The following KDM5B variants were observed in gnomAD, a reference collection of about 807,000 sequenced individuals.
KDM5B encodes the protein lysine demethylase 5B.
In KDM5B, 144 loss-of-function variants were observed where a neutral mutation model predicts 193.4. The ratio of observed to expected loss-of-function variants is 0.74; its 90% CI spans 0.65 to 0.86. The LOEUF (loss-of-function observed/expected upper bound fraction) is 0.86. Ranked by LOEUF, KDM5B falls within the 40% of genes least tolerant of loss-of-function variation. The pLI is 0.00. For synonymous variants in KDM5B, 668 were observed against 682.6 expected (o/e 0.98, Z 0.33); for missense variants, 1,833 against 1,886.9 (o/e 0.97, Z 0.53).
intron 4 of KDM5B, 24 bp downstream of exon 4, chr1:202,773,094 G>C (rs374981703): frequency 1.9e-6 from 3 of 1,543,164 alleles, no homozygotes; most frequent in Non-Finnish European, 2.7e-6. Context: ...GATAAAACAG[G>C]TTAAGGCTAG....
chr1:202,738,836 C>T (rs371361863), intron 20 of KDM5B, among the ~76,000 whole-genome samples: 1 of 152,150 alleles, frequency 6.6e-6, no homozygotes. Context: ...AGAATGAATT[C>T]TTTTTGTACC....
chr1:202,744,912 T>C (rs1655491499), intron 16 of KDM5B, among the ~76,000 whole-genome samples: 1 of 152,124 alleles, frequency 6.6e-6, no homozygotes, highest in Admixed American at 6.5e-5. Flanking sequence ...TACCCATCAA[T>C]GATAGACTGG....
Position 202,808,282 on chromosome 1 carries a change from G to T in KDM5B, c.24C>A (p.His8Gln). ...GGGGCAGCGCCGGGCGCGGGCCTGG[G>T]TGCAGTGTGGTGGCCGCCTCCATCA... is the stretch of plus-strand genomic sequence containing the variant. The part of the protein sequence containing the change: MEAATTL[H>Q]PGPRPALPLG... Residue 8 changes from histidine (H) to glutamine (Q), a missense_variant, in exon 1 of 27, where the codon CAC becomes CAA. Coordinates refer to ENST00000367265, the MANE Select transcript of KDM5B (RefSeq NM_006618.5). The T allele has an allele frequency of 6.2e-7, 1 of 1,604,214 alleles. No homozygotes were observed. The highest frequency in any genetic ancestry group is 8.5e-7 in the Non-Finnish European group (1 of 1,176,262).
intron 4 of KDM5B, among the ~76,000 whole-genome samples, chr1:202,769,030 CTTTTTTTTTCT>C (rs985295725): frequency 7.1e-6 from 1 of 141,786 alleles, no homozygotes; most frequent in African/African-American, 2.6e-5. Context: ...CTATTATATT[CTTTTTTTTTCT>C]TTTTTTTTTT....
At chr1:202,791,019 A>G (rs924223690) in intron 1 of KDM5B, among the ~76,000 whole-genome samples, 2 of 152,204 alleles carry the variant, frequency 1.3e-5, no homozygotes, top group African/African-American at 4.8e-5. Flanking sequence ...CTTTAAAGAG[A>G]TAAGGATGTA....
intron 1 of KDM5B, among the ~76,000 whole-genome samples, chr1:202,786,225 G>C (rs557548215): frequency 1.3e-5 from 2 of 149,764 alleles, no homozygotes; most frequent in South Asian, 4.2e-4. Context: ...GCACAGGTTG[G>C]TCTCAAACTC....
chr1:202,755,460 TAAG>T lies in KDM5B; in HGVS notation c.1357-11_1357-9del, dbSNP rs771108626. 12 of 1,605,232 alleles carry T rather than the reference TAAG, an allele frequency of 7.5e-6. No individual in the cohort carries two copies. The African/African-American group carries it at 1.2e-4, about 16-fold the overall frequency. On this transcript the variant is annotated splice_polypyrimidine_tract_variant and intron_variant, in intron 10 of 26. Coordinates refer to ENST00000367265, the MANE Select transcript of KDM5B (RefSeq NM_006618.5). The stretch of plus-strand genomic sequence containing the variant: ...GCCACTATCAAGATACTCCTAAAAA[TAAG>T]AAGACAAAAGAGGATAAAGGTTTAG...
chr1:202,789,656 G>C (rs1298235892), intron 1 of KDM5B, among the ~76,000 whole-genome samples: 2 of 151,226 alleles, frequency 1.3e-5, no homozygotes, highest in African/African-American at 4.9e-5. Context: ...ACCAGCCAGA[G>C]CACCATGGCG....
chr1:202,805,754 A>AAAAAG (rs1658265032), intron 1 of KDM5B, among the ~76,000 whole-genome samples: 1 of 152,242 alleles, frequency 6.6e-6, no homozygotes, highest in Non-Finnish European at 1.5e-5. Context: ...GACTGTTTAC[A>AAAAAG]TCTCTTAAGA....
At chr1:202,775,879 A>AAAATATAT (rs1553358956) in intron 2 of KDM5B, among the ~76,000 whole-genome samples, 1 of 93,202 alleles carries the variant, frequency 1.1e-5, no homozygotes, top group Admixed American at 1.6e-4. Context: ...AAAAAAAAAA[A>AAAATATAT]ATATATATAT....
In KDM5B at chr1:202,808,410, T is replaced by A. The variant is rs1033419391; in HGVS notation, c.-105A>T. On this transcript the variant is annotated 5_prime_UTR_variant, in exon 1 of 27. Coordinates refer to ENST00000367265, the MANE Select transcript of KDM5B (RefSeq NM_006618.5). ...CAGACGCGGCTCGAGCAACAGCAAG[T>A]CCGAGTTGTACGGGCAACGGCAGCA... is the stretch of plus-strand genomic sequence containing the variant. 2.8e-6 allele frequency: 3 copies of A among 1,078,708 alleles called. No homozygotes were observed. Among genetic ancestry groups the A allele is most frequent in the Non-Finnish European group, 2.6e-6 (2 of 771,786 alleles). 66.8% of individuals were successfully genotyped at this position (1,078,708 alleles called of 1,614,324 possible). A position where few individuals can be genotyped will look rare whatever the true frequency, so the allele number is the denominator to read the frequency against.
chr1:202,808,413 G>A lies in KDM5B; in HGVS notation c.-108C>T, dbSNP rs1292049052. On this transcript the variant is annotated 5_prime_UTR_variant, in exon 1 of 27. Transcript: ENST00000367265. ...ACGCGGCTCGAGCAACAGCAAGTCC[G>A]AGTTGTACGGGCAACGGCAGCACCT... The A allele has an allele frequency of 1.1e-5, 11 of 1,010,344 alleles. No individual in the cohort carries two copies. The highest frequency in any genetic ancestry group is 9.7e-5 in the African/African-American group (6 of 61,564). The allele number at this position is 1,010,344 out of a possible 1,614,324, so 62.6% of individuals were successfully genotyped here. A position where few individuals can be genotyped will look rare whatever the true frequency, so the allele number is the denominator to read the frequency against.
chr1:202,781,034 G>A (rs1463788023), intron 1 of KDM5B, among the ~76,000 whole-genome samples: 4 of 152,090 alleles, frequency 2.6e-5, no homozygotes, highest in African/African-American at 7.2e-5. Flanking sequence ...TAAAAATGAC[G>A]GCCAGGCACA....
intron 23 of KDM5B, 93 bp downstream of exon 23, chr1:202,733,308 C>T: frequency 1.4e-6 from 2 of 1,435,398 alleles, no homozygotes; most frequent in Non-Finnish European, 1.9e-6. Context: ...AGTGATCACA[C>T]CAAGGGAATA....
intron 1 of KDM5B, among the ~76,000 whole-genome samples, chr1:202,799,420 G>A (rs1223825715): frequency 3.9e-5 from 6 of 152,194 alleles, no homozygotes; most frequent in South Asian, 2.1e-4. Context: ...TTGGGAGGCC[G>A]AGGTGGGCGG....
At chr1:202,800,279 T>C (rs1247505124) in intron 1 of KDM5B, among the ~76,000 whole-genome samples, 1 of 152,078 alleles carries the variant, frequency 6.6e-6, no homozygotes, top group Non-Finnish European at 1.5e-5. Context: ...CTTGACCTCA[T>C]GATCCACCTG....
At chr1:202,785,822 T>C (rs897872810) in intron 1 of KDM5B, among the ~76,000 whole-genome samples, 3 of 151,706 alleles carry the variant, frequency 2.0e-5, no homozygotes, top group African/African-American at 7.3e-5. Flanking sequence ...AGCACGAGAA[T>C]TGCTTGAACC....
chr1:202,789,294 G>A (rs1437847625), intron 1 of KDM5B, among the ~76,000 whole-genome samples: 1 of 152,118 alleles, frequency 6.6e-6, no homozygotes, highest in Non-Finnish European at 1.5e-5. Flanking sequence ...GCCAAGGCGG[G>A]TGGATCACTT....
rs4348778 is a variant in KDM5B, at chr1:202,727,119, C to T, written c.*1917G>A. 0.61 allele frequency: 92,225 copies of T among 152,112 alleles called. 31,201 individuals are homozygous for T. The highest frequency in any genetic ancestry group is 0.77 in the Middle Eastern group (226 of 294). 9.4% of individuals were successfully genotyped at this position (152,112 alleles called of 1,614,324 possible). A position where few individuals can be genotyped will look rare whatever the true frequency, so the allele number is the denominator to read the frequency against. On this transcript the variant is annotated 3_prime_UTR_variant, in exon 27 of 27. Transcript: ENST00000367265. The stretch of plus-strand genomic sequence containing the variant: ...AGTGGGGATGGGGGTAGGGGTTGTG[C>T]TTACTAAGATGGCAAAAGCTCTCTA...
Sources: allele counts gnomAD v4.1 joint callset (sites outside exome capture counted in the v4.1 genomes callset), GRCh38; gene constraint gnomAD v4.1.1; transcripts MANE v1.5; gene names NCBI Gene and HGNC (gene_info 2026-07-23, HGNC 2026-07-21).